Variants in FARP1 observed in about 807,000 individuals in gnomAD.
FARP1 encodes the protein FERM, ARH/RhoGEF and pleckstrin domain protein 1.
In FARP1, 52 loss-of-function variants were observed where a neutral mutation model predicts 128.8. The ratio of observed to expected loss-of-function variants is 0.40; its 90% CI spans 0.32 to 0.51. The LOEUF is 0.51. Ranked by LOEUF, FARP1 falls within the 20% of genes least tolerant of loss-of-function variation. FARP1 has a pLI of 0.45. For synonymous variants in FARP1, 580 were observed against 551.8 expected, an observed-to-expected ratio of 1.05 and a Z score of -0.72; for missense variants, 1,333 against 1,367.9, an observed-to-expected ratio of 0.97 and a Z score of 0.40.
Position 98,176,719 on chromosome 13 carries a change from C to G in FARP1, c.-24+33227C>G. 6.2e-7 allele frequency: 1 copy of G among 1,614,184 alleles called. No individual in the cohort carries two copies. The highest frequency in any genetic ancestry group is 8.5e-7 in the Non-Finnish European group (1 of 1,180,046). The stretch of plus-strand genomic sequence containing the variant: ...CCCTGGCGCACGTATGGGGCCCTTC[C>G]TCGCCATCCCCGAGGAGGAGTTGCC... On this transcript the variant is annotated intron_variant, in intron 1 of 26. Coordinates refer to ENST00000319562, the MANE Select transcript of FARP1 (RefSeq NM_005766.4). The surrounding 1 kb of genome is among the most constrained non-coding windows in gnomAD (Gnocchi z 6.2).
chr13:98,366,339 A>G (rs1224419619), intron 4 of FARP1, among the ~76,000 whole-genome samples: 5 of 152,230 alleles, frequency 3.3e-5, no homozygotes, highest in East Asian at 3.8e-4. Context: ...TACAATTTCA[A>G]TTAAGCAGTT....
intron 26 of FARP1, 56 bp downstream of exon 26, chr13:98,446,873 A>ACATCAGGATTTCTC: frequency 6.3e-7 from 1 of 1,583,412 alleles, no homozygotes; most frequent in Non-Finnish European, 8.7e-7. Flanking sequence ...CCTCTTCCAA[A>ACATCAGGATTTCTC]CATCAGGATT....
rs74385972 is a variant in FARP1, at chr13:98,149,462, C to T, written c.-24+5970C>T. Among the ~76,000 whole-genome samples the T allele has an allele frequency of 8.7e-3, 1,327 of 151,986 alleles. 20 individuals are homozygous for T. The highest frequency in any genetic ancestry group is 0.03 in the African/African-American group (1,260 of 41,452). On this transcript the variant is annotated intron_variant, in intron 1 of 26. Coordinates refer to ENST00000319562, the MANE Select transcript of FARP1 (RefSeq NM_005766.4). ...TAGAGATAGGTTTTTATTTTTCCTCCTGGGTCTTTAAGTGTGTGCCTAACT... is the reference window on the plus strand; with the variant it reads ...TAGAGATAGGTTTTTATTTTTCCTCTTGGGTCTTTAAGTGTGTGCCTAACT...
chr13:98,389,784 C>T, intron 9 of FARP1, 173 bp from the exon 10 acceptor site: 1 of 610,710 alleles, frequency 1.6e-6, no homozygotes, highest in Non-Finnish European at 2.8e-6. Context: ...GGGACCACAT[C>T]TTGTCCTTAA....
chr13:98,313,140 A>T (rs576165853), intron 2 of FARP1, among the ~76,000 whole-genome samples: 22 of 121,696 alleles, frequency 1.8e-4, no homozygotes, highest in South Asian at 2.7e-4. Flanking sequence ...ACACACACAC[A>T]CTCACTCGAA....
intron 3 of FARP1, among the ~76,000 whole-genome samples, chr13:98,345,938 C>T (rs759323701): frequency 2.6e-5 from 4 of 152,180 alleles, no homozygotes; most frequent in Non-Finnish European, 5.9e-5. Context: ...TGCCAGGCAC[C>T]GTGCTAGGTT....
chr13:98,441,161 A>G (rs757013295), intron 24 of FARP1, among the ~76,000 whole-genome samples: 16 of 152,170 alleles, frequency 1.1e-4, no homozygotes, highest in Admixed American at 2.0e-4. Context: ...CCCAGAACAC[A>G]GGGCCCAGGG....
At chr13:98,394,867 G>C (rs1890454524) in intron 12 of FARP1, among the ~76,000 whole-genome samples, 1 of 152,230 alleles carries the variant, frequency 6.6e-6, no homozygotes, top group African/African-American at 2.4e-5. Context: ...CGAGGCCGCT[G>C]TGAGCTGTGG....
At chr13:98,219,475 A>G (rs112275198) in intron 2 of FARP1, among the ~76,000 whole-genome samples, 9 of 151,200 alleles carry the variant, frequency 6.0e-5, no homozygotes, top group African/African-American at 1.9e-4. Flanking sequence ...AGCTGGGACT[A>G]CAGGTGCATG....
At chr13:98,372,157 G>T (rs1889367569) in intron 5 of FARP1, among the ~76,000 whole-genome samples, 1 of 143,416 alleles carries the variant, frequency 7.0e-6, no homozygotes, top group Non-Finnish European at 1.5e-5. Flanking sequence ...CACGATCTTG[G>T]CTCACTGCAA....
In FARP1 at chr13:98,384,765, G is replaced by A. The variant is rs758237923; in HGVS notation, c.532G>A (p.Glu178Lys). The change falls in exon 7 of 27, where the codon GAG becomes AAG. Residue 178 changes from glutamate (E) to lysine (K), a missense_variant. By Grantham distance (56) the Glu-to-Lys change is moderately conservative. Coordinates refer to ENST00000319562, the MANE Select transcript of FARP1 (RefSeq NM_005766.4). ...IGDFDEALDR[E>K]HLAKNKYIPQ... ...GGATTTTGATGAAGCCTTGGACAGA[G>A]AGCACTTAGCAAAAAATAAATACAT... 7 of 1,613,566 alleles carry A rather than the reference G, an allele frequency of 4.3e-6. No homozygotes were observed. In the East Asian group the frequency reaches 1.6e-4, roughly 36 times the overall value.
Position 98,174,127 on chromosome 13 carries a change from G to C in FARP1, c.-24+30635G>C, listed in dbSNP as rs9554444. 8.5e-4 allele frequency among the ~76,000 whole-genome samples: 129 copies of C among 152,276 alleles called. 1 individual carries two copies. The East Asian group carries it at 0.021, about 24-fold the overall frequency. On this transcript the variant is annotated intron_variant, in intron 1 of 26. Coordinates refer to ENST00000319562, the MANE Select transcript of FARP1 (RefSeq NM_005766.4). ...ATCGGCCAAAATGCTAGCAGATTTT[G>C]TTTACCCACTCTATGTTAGTAAACC... is the stretch of plus-strand genomic sequence containing the variant.
At chr13:98,360,885 G>A (rs1231082759) in intron 3 of FARP1, among the ~76,000 whole-genome samples, 1 of 152,170 alleles carries the variant, frequency 6.6e-6, no homozygotes, top group Non-Finnish European at 1.5e-5. Flanking sequence ...GGTTGAAGGG[G>A]TAGGAGTTTG....
At chr13:98,432,899 C>CT (rs1315253283) in intron 18 of FARP1, 1 of 72,114 alleles carries the variant, frequency 1.4e-5, no homozygotes, top group Non-Finnish European at 3.0e-5. Flanking sequence ...CAACCCTGCA[C>CT]TAGGGCCGTG....
chr13:98,391,020 C>A, intron 11 of FARP1, 140 bp downstream of exon 11: 1 of 652,856 alleles, frequency 1.5e-6, no homozygotes, highest in Non-Finnish European at 2.7e-6. Context: ...CAGTCATCCT[C>A]AGCAAGTCCA....
chr13:98,181,305 A>G (rs1167689801), intron 1 of FARP1, among the ~76,000 whole-genome samples: 2 of 152,232 alleles, frequency 1.3e-5, no homozygotes, highest in African/African-American at 4.8e-5. Flanking sequence ...TGTGACCGAC[A>G]GCAAATGACC....
At position 98,410,773 on chromosome 13, in the gene FARP1, G is replaced by T. The variant is rs759324480; in HGVS notation, c.1642G>T (p.Val548Leu). Residue 548 changes from valine (V) to leucine (L), a missense_variant, in exon 15 of 27, where the codon GTG becomes TTG. This residue lies in a region of FARP1 where 1,009 missense variants were observed against 969.8 expected (regional missense o/e 1.04). Coordinates refer to ENST00000319562, the MANE Select transcript of FARP1 (RefSeq NM_005766.4). The stretch of plus-strand genomic sequence containing the variant: ...TAAAGCGTACTTCATAGCTAAGGAA[G>T]TGTCTACCACCGAGCGAACATATCT... Reference protein sequence around the residue: ...TDKAYFIAKEVSTTERTYLKD... With the variant: ...TDKAYFIAKELSTTERTYLKD... The T allele has an allele frequency of 1.1e-5, 18 of 1,605,934 alleles. No individual in the cohort carries two copies. Among genetic ancestry groups the T allele is most frequent in the Non-Finnish European group, 1.5e-5 (18 of 1,174,558 alleles).
intron 1 of FARP1, among the ~76,000 whole-genome samples, chr13:98,160,620 C>T (rs1435144232): frequency 6.6e-6 from 1 of 152,138 alleles, no homozygotes; most frequent in Non-Finnish European, 1.5e-5. Context: ...CCAGCACACA[C>T]AGATTGCTTT....
intron 2 of FARP1, among the ~76,000 whole-genome samples, chr13:98,318,656 T>A (rs1216249938): frequency 6.6e-6 from 1 of 152,168 alleles, no homozygotes; most frequent in East Asian, 1.9e-4. Flanking sequence ...CATTTGACCT[T>A]GCATGGCGCC....
Sources: allele counts gnomAD v4.1 joint callset (sites outside exome capture counted in the v4.1 genomes callset), GRCh38; gene constraint gnomAD v4.1.1; regional missense constraint gnomAD v4.1.1; non-coding constraint Gnocchi (gnomAD v3.1); transcripts MANE v1.5; gene names NCBI Gene and HGNC (gene_info 2026-07-23, HGNC 2026-07-21).